The following MTCH2 variants were observed in gnomAD, a reference collection of about 807,000 sequenced individuals.
MTCH2 encodes the protein mitochondrial carrier homolog 2.
A neutral mutation model predicts 50.6 loss-of-function variants in MTCH2; 25 were observed. That is an observed-to-expected ratio of 0.49 (90% CI 0.36 to 0.69). The LOEUF is 0.69. MTCH2 is among the 30% of genes least tolerant of loss of function. The pLI is 0.00. For synonymous variants in MTCH2, 106 were observed against 132.0 expected (o/e 0.80, Z 1.35); for missense variants, 273 against 384.4 (o/e 0.71, Z 2.42).
intron 12 of MTCH2, 39 bp from the exon 13 acceptor site, chr11:47,618,958 G>A: frequency 6.6e-7 from 1 of 1,524,618 alleles, no homozygotes; most frequent in Non-Finnish European, 8.9e-7. Flanking sequence ...ATAATATCTA[G>A]CGAGATGAGA....
the MTCH2 span, among the ~76,000 whole-genome samples, chr11:47,610,376 C>T: frequency 1.3e-5 from 2 of 152,300 alleles, no homozygotes; most frequent in African/African-American, 2.4e-5. Flanking sequence ...CTATCACATA[C>T]CAAATATTTA....
intron 7 of MTCH2, 80 bp downstream of exon 7, chr11:47,630,956 C>A: frequency 8.8e-7 from 1 of 1,138,948 alleles, no homozygotes; most frequent in Non-Finnish European, 1.3e-6. Context: ...GTAAGGGTAT[C>A]ATAAAAATAC....
intron 3 of MTCH2, 105 bp downstream of exon 3, chr11:47,638,594 A>C: frequency 3.0e-6 from 2 of 662,466 alleles, no homozygotes; most frequent in Non-Finnish European, 4.9e-6. Flanking sequence ...GGAAGAAAGG[A>C]CAGGGTTATA....
At chr11:47,632,026 C>G (rs2097303556) in intron 5 of MTCH2, among the ~76,000 whole-genome samples, 1 of 152,098 alleles carries the variant, frequency 6.6e-6, no homozygotes, top group Non-Finnish European at 1.5e-5. Flanking sequence ...AGGTCACCAA[C>G]AAAGTCATTA....
At chr11:47,627,258 G>A in intron 9 of MTCH2, 131 bp from the exon 10 acceptor site, 1 of 590,458 alleles carries the variant, frequency 1.7e-6, no homozygotes, top group South Asian at 2.6e-5. Flanking sequence ...AGGCTGAAGT[G>A]CAGTGACCTC....
intron 11 of MTCH2, among the ~76,000 whole-genome samples, chr11:47,623,913 G>T (rs1383627936): frequency 2.0e-5 from 3 of 152,158 alleles, no homozygotes; most frequent in Non-Finnish European, 4.4e-5. Context: ...TTAGCCGGGG[G>T]TGGTGGCAAG....
intron 7 of MTCH2, among the ~76,000 whole-genome samples, 161 bp from the exon 8 acceptor site, chr11:47,630,775 T>C (rs2097302304): frequency 6.6e-6 from 1 of 152,180 alleles, no homozygotes; most frequent in African/African-American, 2.4e-5. Flanking sequence ...AATTTGGAGA[T>C]AGAAGTGAAA....
chr11:47,612,419 T>C (rs1250276997), downstream of MTCH2, among the ~76,000 whole-genome samples: 1 of 151,950 alleles, frequency 6.6e-6, no homozygotes, highest in Non-Finnish European at 1.5e-5. Context: ...TACAAAAAAA[T>C]TAGCCGGGCG....
downstream of MTCH2, among the ~76,000 whole-genome samples, chr11:47,615,789 C>T (rs202134129): frequency 1.4e-3 from 3 of 2,118 alleles, no homozygotes; most frequent in East Asian, 0.11. Flanking sequence ...CCCGCCACCA[C>T]GCCTAATTTT....
Position 47,642,500 on chromosome 11 carries a change from A to G in MTCH2, c.-35T>C. ...CGCGGGCGGACGGACAGACAGACGG[A>G]GCCACCAAGCGACCCGGTGAGCCGG... On this transcript the variant is annotated 5_prime_UTR_variant, in exon 1 of 13. Coordinates refer to ENST00000302503, the MANE Select transcript of MTCH2 (RefSeq NM_014342.4). 2.0e-6 allele frequency: 3 copies of G among 1,515,018 alleles called. No individual in the cohort carries two copies. Among genetic ancestry groups the G allele is most frequent in the East Asian group, 2.6e-5 (1 of 38,932 alleles). 93.8% of individuals were successfully genotyped at this position (1,515,018 alleles called of 1,614,324 possible).
Position 47,629,780 on chromosome 11 carries a change from C to T in MTCH2, c.540-734G>A, listed in dbSNP as rs117505188. 1.8e-3 allele frequency among the ~76,000 whole-genome samples: 265 copies of T among 151,308 alleles called. 6 individuals carry two copies. The East Asian group carries it at 0.036, about 21-fold the overall frequency. On this transcript the variant is annotated intron_variant, in intron 8 of 12. Coordinates refer to ENST00000302503, the MANE Select transcript of MTCH2 (RefSeq NM_014342.4). ...AAAAAAAAAACAAAAAACACCATTT[C>T]GGTAATGATGCAAAATTTTTCCTCA...
chr11:47,621,950 G>C (rs543484309), intron 12 of MTCH2, among the ~76,000 whole-genome samples: 1 of 152,050 alleles, frequency 6.6e-6, no homozygotes, highest in Non-Finnish European at 1.5e-5. Context: ...GCTCACTGCA[G>C]CCTTGACCTC....
downstream of MTCH2, among the ~76,000 whole-genome samples, chr11:47,612,794 T>C (rs1419953755): frequency 1.3e-5 from 2 of 151,830 alleles, no homozygotes; most frequent in Non-Finnish European, 2.9e-5. Flanking sequence ...ACTGGCAACT[T>C]CCCCTCCAGG....
chr11:47,608,385 G>GT, the MTCH2 span, among the ~76,000 whole-genome samples: 1 of 152,250 alleles, frequency 6.6e-6, no homozygotes, highest in Non-Finnish European at 1.5e-5. Context: ...AGGCTTTTGA[G>GT]AAAGATGGGA....
the MTCH2 span, among the ~76,000 whole-genome samples, chr11:47,609,752 C>T: frequency 4.6e-5 from 7 of 151,984 alleles, no homozygotes; most frequent in Non-Finnish European, 7.4e-5. Context: ...TGGCCATCCT[C>T]TGTACCCTGG....
chr11:47,608,722 G>T, the MTCH2 span, among the ~76,000 whole-genome samples: 15 of 152,114 alleles, frequency 9.9e-5, no homozygotes, highest in African/African-American at 3.6e-4. Flanking sequence ...ACTTTGGGAG[G>T]CTGAGGCAGG....
chr11:47,620,385 C>G (rs1187141786), intron 12 of MTCH2, among the ~76,000 whole-genome samples: 3 of 152,090 alleles, frequency 2.0e-5, no homozygotes, highest in Non-Finnish European at 2.9e-5. Context: ...GGGACGATCA[C>G]TTGAGCCAGA....
At chr11:47,628,507 TTGAC>T (rs778303950) in intron 9 of MTCH2, among the ~76,000 whole-genome samples, 26 of 152,340 alleles carry the variant, frequency 1.7e-4, no homozygotes, top group South Asian at 4.1e-4. Context: ...ATTTGAAAAT[TTGAC>T]TGATAATTTT....
chr11:47,639,065 G>A lies in MTCH2; in HGVS notation c.88-14C>T. The A allele has an allele frequency of 6.4e-7, 1 of 1,570,402 alleles. No individual in the cohort carries two copies. The highest frequency in any genetic ancestry group is 8.7e-7 in the Non-Finnish European group (1 of 1,155,112). On this transcript the variant is annotated splice_polypyrimidine_tract_variant and intron_variant, in intron 1 of 12. Transcript: ENST00000302503. ...CTCATATCCCACCTTTAAAAACAAT[G>A]GAATATATCAATATTAAAGCAATAT...
Sources: gnomAD v4.1 joint callset for allele counts (sites outside exome capture counted in the v4.1 genomes callset) on GRCh38, gnomAD v4.1.1 for gene constraint, MANE v1.5 for transcripts, NCBI Gene and HGNC (gene_info 2026-07-23, HGNC 2026-07-21) for gene names.